The following CEP72 variants were observed in gnomAD, a reference collection of about 807,000 sequenced individuals.
CEP72 encodes the protein centrosomal protein 72.
Under a neutral mutation model 65.7 loss-of-function variants are expected in CEP72, and 78 were observed. The observed-to-expected ratio is 1.19, with a 90% CI of 0.99 to 1.43. CEP72 has a LOEUF of 1.43. CEP72 is among the 40% of genes most tolerant of loss of function. The pLI is 0.00. For synonymous variants in CEP72, 358 were observed against 351.7 expected, an observed-to-expected ratio of 1.02 and a Z score of -0.20; for missense variants, 914 against 832.9, an observed-to-expected ratio of 1.10 and a Z score of -1.20.
rs532665849 is a variant in CEP72 at position 645,461 on chromosome 5, GAA to G, written c.1666+1050_1666+1051del. Among the ~76,000 whole-genome samples the G allele has an allele frequency of 4.4e-5, 6 of 135,002 alleles. No individual in the cohort carries two copies. Among genetic ancestry groups the G allele is most frequent in the Non-Finnish European group, 4.8e-5 (3 of 62,586 alleles). 88.6% of individuals were successfully genotyped at this position (135,002 alleles called of 152,430 possible). A position where few individuals can be genotyped will look rare whatever the true frequency, so the allele number is the denominator to read the frequency against. ...CATCATTTCGTCGTAAAGGTGATGA[GAA>G]AAAAAAAAAAAAACAGTTCCCTGCC... is the stretch of plus-strand genomic sequence containing the variant. On this transcript the variant is annotated intron_variant, in intron 10 of 11. Transcript: ENST00000264935. This position sits in a 1 kb window ranked among gnomAD's most constrained non-coding sequence, Gnocchi z 4.0.
At chr5:663,725 G>C (rs777638703) in intron 2 of CEP72, 15 of 152,538 alleles carry the variant, frequency 9.8e-5, no homozygotes, top group South Asian at 4.1e-4. Context: ...GCCCTGGCCA[G>C]AGCCTGACCG....
rs767793783 is a variant in CEP72, at chr5:620,229, T to C, written c.371T>C (p.Val124Ala). 9.9e-6 allele frequency: 16 copies of C among 1,613,926 alleles called. No homozygotes were observed. Among genetic ancestry groups the C allele is most frequent in the Non-Finnish European group, 1.4e-5 (16 of 1,179,896 alleles). Residue 124 changes from valine to alanine, a missense_variant, in exon 3 of 12, where the codon GTT becomes GCT. Physicochemically the swap from Val to Ala is moderately conservative, Grantham distance 64 (BLOSUM62 0). Transcript: ENST00000264935. ...VKVEPDYRLF[V>A]VHLLPKLQQL... ...GTTGAGCCTGACTACCGCCTTTTTG[T>C]TGTGCACCTGCTCCCCAAGCTCCAG...
At chr5:625,182 T>C (rs75981367) in intron 4 of CEP72, among the ~76,000 whole-genome samples, 1,769 of 152,300 alleles carry the variant, frequency 0.012, 14 homozygotes, top group Non-Finnish European at 0.017. Flanking sequence ...TATCTGCGTG[T>C]ATCCCAAAAC....
downstream of CEP72, among the ~76,000 whole-genome samples, chr5:669,657 C>T (rs561738534): frequency 2.0e-5 from 3 of 152,212 alleles, no homozygotes; most frequent in East Asian, 1.9e-4. Context: ...AGTCACTCGG[C>T]GGGAGGGGGA....
In CEP72 at chr5:635,559, A is replaced by G. The variant is rs28605005; in HGVS notation, c.879A>G (p.Pro293=). Reference sequence around the variant, plus strand: ...CAGAGGCCTCCCGTGCCCCCAGGCCACACACGTACTTCACCCCACACCCAG... The same window carrying G: ...CAGAGGCCTCCCGTGCCCCCAGGCCGCACACGTACTTCACCCCACACCCAG... The part of the protein sequence containing the change: ...AEPEASRAPR[P]HTYFTPHPDS... Residue 293 remains proline, a synonymous_variant, in exon 6 of 12, where the codon CCA becomes CCG. Transcript: ENST00000264935. 7.3e-3 allele frequency: 11,741 copies of G among 1,613,600 alleles called. 704 individuals are homozygous for G. The African/African-American group carries it at 0.13, about 18-fold the overall frequency.
intron 4 of CEP72, among the ~76,000 whole-genome samples, chr5:628,283 C>T (rs186857727): frequency 6.6e-5 from 10 of 152,358 alleles, no homozygotes; most frequent in South Asian, 2.1e-4. Flanking sequence ...TGGAAGATGA[C>T]GTGGGTCAAT....
chr5:641,078 G>T (rs1397631287), intron 9 of CEP72: 1 of 985,294 alleles, frequency 1.0e-6, no homozygotes, highest in Admixed American at 6.2e-5. Context: ...TGTGTATTGG[G>T]CCTCAGGCTC....
chr5:629,205 A>G (rs1737039962), intron 4 of CEP72, among the ~76,000 whole-genome samples: 1 of 152,256 alleles, frequency 6.6e-6, no homozygotes, highest in African/African-American at 2.4e-5. Context: ...TCACCATGCT[A>G]AGGTGGGTCA....
intron 7 of CEP72, 91 bp downstream of exon 7, chr5:637,909 C>T (rs536983868): frequency 1.1e-5 from 14 of 1,231,552 alleles, no homozygotes; most frequent in East Asian, 1.1e-4. Context: ...ATTACGCCTG[C>T]GGCACTGACT....
intron 11 of CEP72, among the ~76,000 whole-genome samples, chr5:649,488 T>C (rs866004743): frequency 9.1e-4 from 25 of 27,510 alleles, no homozygotes; most frequent in Middle Eastern, 0.042. Flanking sequence ...GACTGTGAGG[T>C]GTGGACTGTG....
At chr5:666,413 G>C (rs991154227) in intron 4 of CEP72, among the ~76,000 whole-genome samples, 1 of 152,218 alleles carries the variant, frequency 6.6e-6, no homozygotes, top group Non-Finnish European at 1.5e-5. Context: ...AGGCAGCGGA[G>C]CCCACCTCCT....
At chr5:656,106 A>C (rs1739370004), downstream of CEP72, among the ~76,000 whole-genome samples, 1 of 152,188 alleles carries the variant, frequency 6.6e-6, no homozygotes, top group Non-Finnish European at 1.5e-5. Context: ...TGTGAAGCTT[A>C]AGGATCCAGT....
downstream of CEP72, among the ~76,000 whole-genome samples, chr5:672,059 A>G (rs1008587008): frequency 2.6e-5 from 4 of 152,182 alleles, no homozygotes; most frequent in Non-Finnish European, 5.9e-5. Context: ...CTCCAAACAC[A>G]CTGTGACCTG....
chr5:636,142 C>G (rs1320853995), intron 6 of CEP72, among the ~76,000 whole-genome samples: 1 of 152,258 alleles, frequency 6.6e-6, no homozygotes, highest in Non-Finnish European at 1.5e-5. Context: ...TCAACTTTTA[C>G]TCCCTTCAGT....
downstream of CEP72, among the ~76,000 whole-genome samples, chr5:670,616 G>T (rs1384238267): frequency 6.6e-6 from 1 of 152,108 alleles, no homozygotes; most frequent in Non-Finnish European, 1.5e-5. Flanking sequence ...GGCCTTAGGG[G>T]AGCCCTGTCT....
At chr5:646,938 T>A (rs1738467600) in intron 10 of CEP72, among the ~76,000 whole-genome samples, 1 of 152,214 alleles carries the variant, frequency 6.6e-6, no homozygotes, top group Non-Finnish European at 1.5e-5. Flanking sequence ...GTGTTGTCCC[T>A]GGGGTTCTGG....
chr5:612,515 C>T lies in CEP72; in HGVS notation c.82+72C>T, dbSNP rs890613561. The T allele has an allele frequency of 8.7e-5, 116 of 1,331,018 alleles. 1 individual carries two copies. The highest frequency in any genetic ancestry group is 1.1e-4 in the Admixed American group (3 of 28,060). 82.5% of individuals were successfully genotyped at this position (1,331,018 alleles called of 1,614,324 possible). On this transcript the variant is annotated intron_variant, in intron 1 of 11. Coordinates refer to ENST00000264935, the MANE Select transcript of CEP72 (RefSeq NM_018140.4). ...GTGGGTGCCGAGCTTCCCGGGGCGG[C>T]GGCGGACCGTGGGCAGGCGGGACCC...
chr5:675,413 G>GCA, the CEP72 span, among the ~76,000 whole-genome samples: 1 of 117,292 alleles, frequency 8.5e-6, no homozygotes, highest in Non-Finnish European at 2.0e-5. Flanking sequence ...CAGGGGTGCA[G>GCA]TGTGGCCAGG....
rs1736311073 is a variant in CEP72 at position 620,377 on chromosome 5, G to A, written c.403+116G>A. On this transcript the variant is annotated intron_variant, in intron 3 of 11. Transcript: ENST00000264935. ...ACATGCTTGATTCCTTCTGGAACGG[G>A]GAGTTGGTTTTCTACGCTGGTGGCT... is the stretch of plus-strand genomic sequence containing the variant. 3.3e-6 allele frequency: 3 copies of A among 920,442 alleles called. No individual in the cohort carries two copies. In the Middle Eastern group the frequency reaches 1.0e-3, roughly 310 times the overall value. 57.0% of individuals were successfully genotyped at this position (920,442 alleles called of 1,614,324 possible).
Sources: gnomAD v4.1 joint callset for allele counts (sites outside exome capture counted in the v4.1 genomes callset) on GRCh38, gnomAD v4.1.1 for gene constraint, Gnocchi (gnomAD v3.1) non-coding constraint, MANE v1.5 for transcripts, NCBI Gene and HGNC (gene_info 2026-07-23, HGNC 2026-07-21) for gene names.